KCNU1: variants seen among roughly 807,000 people sequenced by gnomAD.
The protein encoded by KCNU1 is potassium calcium-activated channel subfamily U member 1.
Under a neutral mutation model 126.8 loss-of-function variants are expected in KCNU1, and 93 were observed. That is an observed-to-expected ratio of 0.73 (90% confidence interval 0.62 to 0.87). The LOEUF is 0.87. Among genes scored for constraint, KCNU1 ranks in the 40% least tolerant of loss-of-function variants. The pLI is 0.00. For synonymous variants in KCNU1, 523 were observed against 494.2 expected, an observed-to-expected ratio of 1.06 and a Z score of -0.77; for missense variants, 1,330 against 1,367.1, an observed-to-expected ratio of 0.97 and a Z score of 0.43.
At chr8:36,891,489 C>A (rs932689421) in intron 19 of KCNU1, among the ~76,000 whole-genome samples, 1 of 151,958 alleles carries the variant, frequency 6.6e-6, no homozygotes, top group African/African-American at 2.4e-5. Context: ...GATGGATGGA[C>A]TGATGCATAG....
In KCNU1 at chr8:36,850,159, G is replaced by T. The variant is rs78114248; in HGVS notation, c.1891+4260G>T. The stretch of plus-strand genomic sequence containing the variant: ...GATCCTATTTTTAAATTTGATTATT[G>T]TCTTTCTACTATTGAGTTGTATAAG... On this transcript the variant is annotated intron_variant, in intron 18 of 26. Transcript: ENST00000399881. 0.02 allele frequency among the ~76,000 whole-genome samples: 3,090 copies of T among 152,004 alleles called. 186 individuals carry two copies. In the East Asian group the frequency reaches 0.23, roughly 11 times the overall value.
chr8:36,790,984 A>G lies in KCNU1; in HGVS notation c.315+3559A>G, dbSNP rs1055121121. Among the ~76,000 whole-genome samples the G allele has an allele frequency of 4.4e-4, 64 of 147,062 alleles. 1 individual carries two copies. ...AAGAAAAGGAATAAGGAGGAAGAGG[A>G]AAATAGGAAGATGGAAAAAAAAAAA... is the stretch of plus-strand genomic sequence containing the variant. On this transcript the variant is annotated intron_variant, in intron 2 of 26. Coordinates refer to ENST00000399881, the MANE Select transcript of KCNU1 (RefSeq NM_001031836.3).
chr8:36,840,280 G>A (rs896945476), intron 14 of KCNU1, among the ~76,000 whole-genome samples, 183 bp from the exon 15 acceptor site: 1 of 152,210 alleles, frequency 6.6e-6, no homozygotes. Context: ...GAAAATAGTT[G>A]AGATGGAGTT....
intron 19 of KCNU1, among the ~76,000 whole-genome samples, chr8:36,896,048 A>G (rs1316217790): frequency 6.6e-6 from 1 of 152,056 alleles, no homozygotes; most frequent in African/African-American, 2.4e-5. Flanking sequence ...AACATTTGCA[A>G]TTAATTTTGA....
At chr8:36,887,808 G>A (rs527587100) in intron 19 of KCNU1, among the ~76,000 whole-genome samples, 2 of 152,244 alleles carry the variant, frequency 1.3e-5, no homozygotes, top group South Asian at 4.1e-4. Context: ...TAGGTGTAGG[G>A]TACATGACTT....
intron 25 of KCNU1, among the ~76,000 whole-genome samples, chr8:36,932,040 C>G (rs941011775): frequency 2.0e-5 from 3 of 152,040 alleles, no homozygotes; most frequent in African/African-American, 7.2e-5. Context: ...GGAAACATCT[C>G]TTGTTGATTC....
intron 10 of KCNU1, among the ~76,000 whole-genome samples, chr8:36,826,572 T>C (rs1372761161): frequency 1.3e-5 from 2 of 152,198 alleles, no homozygotes; most frequent in Non-Finnish European, 2.9e-5. Context: ...TATCTCTGTG[T>C]TGCATTCTGG....
At chr8:36,910,250 G>T (rs1239264718) in intron 21 of KCNU1, among the ~76,000 whole-genome samples, 1 of 152,124 alleles carries the variant, frequency 6.6e-6, no homozygotes, top group Non-Finnish European at 1.5e-5. Context: ...CCAACCTAAT[G>T]TAAGGAATAT....
chr8:36,849,632 CTTTTTCTTGCTGAATATTATTCTGTTGTA>C (rs1563293853), intron 18 of KCNU1, among the ~76,000 whole-genome samples: 1 of 152,060 alleles, frequency 6.6e-6, no homozygotes, highest in Admixed American at 6.6e-5. Context: ...AACCTCATTT[CTTTTTCTTGCTGAATATTATTCTGTTGTA>C]TTTTTCTTGC....
intron 19 of KCNU1, among the ~76,000 whole-genome samples, chr8:36,886,297 T>C (rs1806700210): frequency 6.6e-6 from 1 of 152,208 alleles, no homozygotes; most frequent in Non-Finnish European, 1.5e-5. Flanking sequence ...CCTCAGTTCT[T>C]ATTATCCAAT....
chr8:36,874,618 G>A (rs1262387889), intron 19 of KCNU1, among the ~76,000 whole-genome samples: 1 of 152,110 alleles, frequency 6.6e-6, no homozygotes, highest in Non-Finnish European at 1.5e-5. Flanking sequence ...GGCTCTGTGG[G>A]TTAGGTGAGG....
intron 22 of KCNU1, among the ~76,000 whole-genome samples, chr8:36,914,627 ATC>A (rs1808026753): frequency 6.6e-6 from 1 of 152,186 alleles, no homozygotes; most frequent in African/African-American, 2.4e-5. Flanking sequence ...AGAGTGAGGA[ATC>A]TCTGAAGAAT....
intron 18 of KCNU1, among the ~76,000 whole-genome samples, chr8:36,863,463 A>G (rs1340884474): frequency 6.6e-6 from 1 of 152,070 alleles, no homozygotes; most frequent in African/African-American, 2.4e-5. Flanking sequence ...TGCTCAGACA[A>G]TCTCTCCATC....
chr8:36,886,351 A>T (rs1402585399), intron 19 of KCNU1, among the ~76,000 whole-genome samples: 1 of 152,232 alleles, frequency 6.6e-6, no homozygotes, highest in Non-Finnish European at 1.5e-5. Context: ...GAATGCAAAA[A>T]GCCAAAAACA....
chr8:36,874,226 G>A (rs1806202261), intron 19 of KCNU1, among the ~76,000 whole-genome samples: 1 of 152,172 alleles, frequency 6.6e-6, no homozygotes, highest in African/African-American at 2.4e-5. Context: ...GAAAAGCCGA[G>A]TAGTCACCAT....
rs1803826173 is a variant in KCNU1 at position 36,814,198 on chromosome 8, T to A, written c.733-9T>A. 6.2e-7 allele frequency: 1 copy of A among 1,611,006 alleles called. No individual in the cohort carries two copies. The highest frequency in any genetic ancestry group is 1.7e-5 in the Admixed American group (1 of 59,966). ...TCAGATGTTTCCTGAGTCTTCTCTC[T>A]TTGGACAGGTGGAAAATTCTGGTGA... On this transcript the variant is annotated splice_polypyrimidine_tract_variant and intron_variant, in intron 7 of 26. Coordinates refer to ENST00000399881, the MANE Select transcript of KCNU1 (RefSeq NM_001031836.3).
At chr8:36,928,000 AAGGG>A (rs549128026) in intron 24 of KCNU1, among the ~76,000 whole-genome samples, 1 of 124,318 alleles carries the variant, frequency 8.0e-6, no homozygotes, top group African/African-American at 3.0e-5. Flanking sequence ...GGAAGGAAGG[AAGGG>A]AGGGAGGGAG....
At chr8:36,854,424 C>T (rs932024302) in intron 18 of KCNU1, among the ~76,000 whole-genome samples, 2 of 151,514 alleles carry the variant, frequency 1.3e-5, no homozygotes, top group Admixed American at 6.6e-5. Flanking sequence ...TTTCTTCTGT[C>T]CCTCAAACTG....
intron 10 of KCNU1, among the ~76,000 whole-genome samples, chr8:36,823,855 G>C (rs977299725): frequency 3.5e-5 from 2 of 57,598 alleles, no homozygotes; most frequent in African/African-American, 1.2e-4. Context: ...TTTTTTTTTT[G>C]AGAAGGAGTT....
Sources: allele counts gnomAD v4.1 joint callset (sites outside exome capture counted in the v4.1 genomes callset), GRCh38; gene constraint gnomAD v4.1.1; transcripts MANE v1.5; gene names NCBI Gene and HGNC (gene_info 2026-07-23, HGNC 2026-07-21).